GRIK2: variants seen among roughly 807,000 people sequenced by gnomAD.
GRIK2 encodes the protein glutamate ionotropic receptor kainate type subunit 2.
GRIK2 carries 32 observed loss-of-function variants against 100.3 expected under a neutral mutation model. The ratio of observed to expected loss-of-function variants is 0.32; its 90% CI spans 0.24 to 0.43. The LOEUF (loss-of-function observed/expected upper bound fraction) is 0.43. Ranked by LOEUF, GRIK2 falls within the 20% of genes least tolerant of loss-of-function variation. GRIK2 has a pLI of 1.00. For missense variants in GRIK2, 843 were observed against 1,114.9 expected (o/e 0.76, Z 3.47); for synonymous variants, 417 against 389.4 (o/e 1.07, Z -0.83).
In GRIK2 at chr6:101,989,798, C is replaced by T. The variant is rs139326032; in HGVS notation, c.2086-45543C>T. Among the ~76,000 whole-genome samples the T allele has an allele frequency of 2.6e-5, 4 of 151,526 alleles. 1 individual carries two copies. In the South Asian group the frequency reaches 8.3e-4, roughly 31 times the overall value. On this transcript the variant is annotated intron_variant, in intron 14 of 16. Transcript: ENST00000369134. ...ACACTTAAAGAAGGCTAATAAACTC[C>T]TCATTGATATGCAATAAATATTAGT...
intron 2 of GRIK2, among the ~76,000 whole-genome samples, chr6:101,459,228 A>G (rs2518226): frequency 0.96 from 146,862 of 152,222 alleles, 70,881 homozygotes; most frequent in African/African-American, 0.99. Context: ...CCTTTGAAAG[A>G]CAGCTGACAT....
At chr6:101,870,772 C>A (rs2518204) in intron 11 of GRIK2, among the ~76,000 whole-genome samples, 139,194 of 151,768 alleles carry the variant, frequency 0.92, 63,978 homozygotes, top group East Asian at 0.98. Flanking sequence ...AAGTAGAGCA[C>A]TATGTCATAG....
At chr6:101,638,071 ATT>A (rs1173720511) in intron 4 of GRIK2, among the ~76,000 whole-genome samples, 3 of 151,954 alleles carry the variant, frequency 2.0e-5, no homozygotes, top group Non-Finnish European at 4.4e-5. Flanking sequence ...AGTAAGTCTT[ATT>A]TTTAGCATCC....
chr6:101,593,922 T>A (rs912050445), intron 2 of GRIK2, among the ~76,000 whole-genome samples: 9 of 151,746 alleles, frequency 5.9e-5, no homozygotes. Context: ...TGCCTCCCCA[T>A]GAAAAATGTA....
At chr6:101,833,239 T>A (rs1442595389) in intron 10 of GRIK2, among the ~76,000 whole-genome samples, 1 of 152,164 alleles carries the variant, frequency 6.6e-6, no homozygotes, top group Non-Finnish European at 1.5e-5. Context: ...TTGTTTGTTT[T>A]GTTTTGTTTT....
At chr6:101,987,170 T>TA (rs1400327625) in intron 14 of GRIK2, among the ~76,000 whole-genome samples, 7 of 151,592 alleles carry the variant, frequency 4.6e-5, no homozygotes, top group African/African-American at 1.7e-4. Flanking sequence ...TAAATAAAAA[T>TA]AAAAAAGAAC....
At chr6:101,562,717 A>G (rs771484886) in intron 2 of GRIK2, among the ~76,000 whole-genome samples, 6 of 151,962 alleles carry the variant, frequency 3.9e-5, no homozygotes, top group Non-Finnish European at 8.8e-5. Context: ...TCTATCCTTG[A>G]ATGTTCTTCT....
At chr6:102,001,002 C>T (rs1250597799) in intron 14 of GRIK2, among the ~76,000 whole-genome samples, 1 of 151,202 alleles carries the variant, frequency 6.6e-6, no homozygotes, top group Non-Finnish European at 1.5e-5. Flanking sequence ...ATATTATTTC[C>T]ACTTCCAATA....
intron 9 of GRIK2, among the ~76,000 whole-genome samples, chr6:101,810,662 C>T (rs1192222777): frequency 1.3e-5 from 2 of 151,994 alleles, no homozygotes; most frequent in South Asian, 2.1e-4. Context: ...TGCTTAAGTG[C>T]TCTCTTTTCA....
At chr6:101,896,483 G>T (rs893638070) in intron 12 of GRIK2, among the ~76,000 whole-genome samples, 9 of 151,654 alleles carry the variant, frequency 5.9e-5, no homozygotes, top group African/African-American at 2.2e-4. Flanking sequence ...ATTTTTTAAG[G>T]ATAAACATGC....
chr6:101,556,176 A>G (rs1305429474), intron 2 of GRIK2, among the ~76,000 whole-genome samples: 1 of 151,840 alleles, frequency 6.6e-6, no homozygotes, highest in Non-Finnish European at 1.5e-5. Context: ...ATCCGAAGGT[A>G]TCTTTTTCTA....
intron 7 of GRIK2, among the ~76,000 whole-genome samples, chr6:101,778,845 A>C (rs1029364498): frequency 6.6e-6 from 1 of 152,170 alleles, no homozygotes; most frequent in African/African-American, 2.4e-5. Flanking sequence ...GAAATGTATA[A>C]TGTGATAGGA....
chr6:101,842,696 G>T (rs1324929697), intron 10 of GRIK2, among the ~76,000 whole-genome samples: 1 of 152,156 alleles, frequency 6.6e-6, no homozygotes, highest in African/African-American at 2.4e-5. Context: ...GTAGACAGAT[G>T]TGGCTAACTA....
At chr6:101,485,489 C>T (rs895482146) in intron 2 of GRIK2, among the ~76,000 whole-genome samples, 7 of 152,048 alleles carry the variant, frequency 4.6e-5, no homozygotes, top group Admixed American at 1.3e-4. Flanking sequence ...AAGTACAAAA[C>T]ATATTTGTGA....
At position 101,930,400 on chromosome 6, in the gene GRIK2, G is replaced by A. The variant is rs1001332000; in HGVS notation, c.2085+1768G>A. On this transcript the variant is annotated intron_variant, in intron 14 of 16. Transcript: ENST00000369134. ...AAGTCGCTGAAATTGCTAAACGTGC[G>A]TTGTTAGTGTCAACAACTTGAAGGA... Among the ~76,000 whole-genome samples, 11 of 151,846 alleles carry A rather than the reference G, an allele frequency of 7.2e-5. 1 individual carries two copies. Among genetic ancestry groups the A allele is most frequent in the Admixed American group, 2.6e-4 (4 of 15,222 alleles).
intron 12 of GRIK2, among the ~76,000 whole-genome samples, chr6:101,918,830 T>A (rs1789289345): frequency 6.6e-6 from 1 of 151,744 alleles, no homozygotes; most frequent in Non-Finnish European, 1.5e-5. Context: ...CTCAAAGGCC[T>A]CATGAAACTC....
chr6:102,023,701 T>G (rs1211203026), intron 14 of GRIK2, among the ~76,000 whole-genome samples: 1 of 151,508 alleles, frequency 6.6e-6, no homozygotes, highest in Non-Finnish European at 1.5e-5. Flanking sequence ...GTGCTTCAGT[T>G]TCACTCTTGT....
intron 15 of GRIK2, among the ~76,000 whole-genome samples, chr6:102,037,341 A>T (rs182190738): frequency 6.6e-6 from 1 of 151,558 alleles, no homozygotes; most frequent in Non-Finnish European, 1.5e-5. Flanking sequence ...TTAAAGAATT[A>T]AATATAAATA....
In GRIK2 at chr6:101,787,530, G is replaced by T. The variant is rs146919281; in HGVS notation, c.952-12118G>T. 7.7e-3 allele frequency among the ~76,000 whole-genome samples: 1,174 copies of T among 152,144 alleles called. 7 individuals are homozygous for T. The highest frequency in any genetic ancestry group is 9.8e-3 in the Non-Finnish European group (664 of 67,964). ...TTTTATTTGTTTCAAGAAACTTTTAGATTTTCTGCTTAATTTACTCCATGA... is the reference window on the plus strand; with the variant it reads ...TTTTATTTGTTTCAAGAAACTTTTATATTTTCTGCTTAATTTACTCCATGA... On this transcript the variant is annotated intron_variant, in intron 7 of 16. Coordinates refer to ENST00000369134, the MANE Select transcript of GRIK2 (RefSeq NM_021956.5).
Sources: gnomAD v4.1 joint callset for allele counts (sites outside exome capture counted in the v4.1 genomes callset) on GRCh38, gnomAD v4.1.1 for gene constraint, MANE v1.5 for transcripts, NCBI Gene and HGNC (gene_info 2026-07-23, HGNC 2026-07-21) for gene names.